INVS: variants seen among roughly 807,000 people sequenced by gnomAD.
The protein encoded by INVS is inversion of embryo turning homolog.
In INVS, 86 loss-of-function variants were observed where a neutral mutation model predicts 108.8. The ratio of observed to expected loss-of-function variants is 0.79; its 90% CI spans 0.66 to 0.95. INVS has a LOEUF of 0.95. INVS is among the 40% of genes least tolerant of loss of function. The probability of loss-of-function intolerance (pLI) is 0.00; values close to 1 mark genes in which losing one functional copy is unlikely to be tolerated. For missense variants in INVS, 1,169 were observed against 1,297.4 expected (o/e 0.90, Z 1.52); for synonymous variants, 455 against 473.5 (o/e 0.96, Z 0.51).
intron 8 of INVS, among the ~76,000 whole-genome samples, chr9:100,251,150 ATTGTTTTGTTTTTGTTTTGTT>A (rs1331895089): frequency 5.3e-5 from 8 of 152,268 alleles, no homozygotes; most frequent in African/African-American, 1.7e-4. Context: ...TTGATGGGGA[ATTGTTTTGTTTTTGTTTTGTT>A]TTGTTTTGTT....
chr9:100,188,439 G>T (rs1170890075), intron 3 of INVS, among the ~76,000 whole-genome samples: 1 of 152,070 alleles, frequency 6.6e-6, no homozygotes, highest in East Asian at 1.9e-4. Flanking sequence ...TGAGATGATT[G>T]TATGTTTTTT....
At chr9:100,100,928 AAT>A (rs1554712579) in intron 1 of INVS, among the ~76,000 whole-genome samples, 8 of 23,228 alleles carry the variant, frequency 3.4e-4, no homozygotes, top group African/African-American at 9.4e-4. Flanking sequence ...GTATATATAT[AAT>A]ATATATAATA....
intron 6 of INVS, among the ~76,000 whole-genome samples, chr9:100,241,624 T>A (rs1163737642): frequency 1.3e-5 from 2 of 152,224 alleles, no homozygotes; most frequent in Non-Finnish European, 2.9e-5. Context: ...TTGTAGTCCT[T>A]ACTGAATTTT....
At chr9:100,170,217 G>A (rs937724930) in intron 3 of INVS, among the ~76,000 whole-genome samples, 2 of 152,122 alleles carry the variant, frequency 1.3e-5, no homozygotes, top group Admixed American at 6.5e-5. Flanking sequence ...ATCTGTGGAA[G>A]TATAGTTGTG....
In INVS at chr9:100,292,862, G is replaced by A. The variant is rs755324664; in HGVS notation, c.2605G>A (p.Glu869Lys). 4.3e-6 allele frequency: 7 copies of A among 1,614,044 alleles called. No individual in the cohort carries two copies. The highest frequency in any genetic ancestry group is 2.2e-5 in the East Asian group (1 of 44,892). Residue 869 changes from glutamate (E) to lysine (K), a missense_variant, in exon 14 of 17, where the codon GAG becomes AAG. This residue lies in a region of INVS where 533 missense variants were observed against 536.0 expected (regional missense o/e 0.99). Coordinates refer to ENST00000262457, the MANE Select transcript of INVS (RefSeq NM_014425.5). ...GAGGCTGGAGACATCTACCCTGTCC[G>A]AGGACTTTCAGGTATCTAAGGAGAC... ...ARRLETSTLSEDFQVSKETDP... is the reference protein window; with the variant it reads ...ARRLETSTLSKDFQVSKETDP...
chr9:100,212,552 C>T (rs1044145091), intron 3 of INVS, among the ~76,000 whole-genome samples: 1 of 151,928 alleles, frequency 6.6e-6, no homozygotes, highest in African/African-American at 2.4e-5. Context: ...GTGCCTCAAA[C>T]TCCACTTTAG....
chr9:100,204,605 T>C (rs1019618338), intron 3 of INVS, among the ~76,000 whole-genome samples: 23 of 152,260 alleles, frequency 1.5e-4, no homozygotes, highest in Non-Finnish European at 2.9e-4. Flanking sequence ...TTCATTCTAG[T>C]CTAGAAAGTA....
intron 3 of INVS, among the ~76,000 whole-genome samples, chr9:100,203,561 G>A (rs1297834934): frequency 7.1e-6 from 1 of 141,404 alleles, no homozygotes; most frequent in Non-Finnish European, 1.5e-5. Flanking sequence ...GGAGTGCAGT[G>A]GCATGATCTA....
At chr9:100,230,043 C>A (rs1178216681) in intron 5 of INVS, among the ~76,000 whole-genome samples, 1 of 152,154 alleles carries the variant, frequency 6.6e-6, no homozygotes. Context: ...TAAACGCATT[C>A]ATTCCCCCTA....
intron 3 of INVS, among the ~76,000 whole-genome samples, chr9:100,225,222 TA>T (rs1652530010): frequency 6.7e-6 from 1 of 149,872 alleles, no homozygotes; most frequent in African/African-American, 2.5e-5. Flanking sequence ...CACGCCCGGC[TA>T]ATTTTTCGTA....
intron 13 of INVS, 76 bp downstream of exon 13, chr9:100,284,679 T>A: frequency 6.9e-7 from 1 of 1,441,044 alleles, no homozygotes; most frequent in Non-Finnish European, 9.6e-7. Flanking sequence ...TTAGACCAAT[T>A]ACACTTAAGA....
chr9:100,220,651 C>T (rs147551160), intron 3 of INVS, among the ~76,000 whole-genome samples: 4 of 152,236 alleles, frequency 2.6e-5, no homozygotes, highest in Admixed American at 6.5e-5. Context: ...TAAAACAAAC[C>T]GTCCTCCAAA....
chr9:100,104,807 G>A (rs534080473), intron 2 of INVS, among the ~76,000 whole-genome samples, 180 bp downstream of exon 2: 2 of 152,260 alleles, frequency 1.3e-5, no homozygotes, highest in East Asian at 3.9e-4. Flanking sequence ...AAAAATATGG[G>A]TTAGGATTAG....
chr9:100,158,314 G>GA lies in INVS; in HGVS notation c.273+31772dup, dbSNP rs139969751. ...TAATGCAAAAAGCTTTAGCACTCCAGAAAAAAATATATTTTCATTTATAAC... is the reference window on the plus strand; with the variant it reads ...TAATGCAAAAAGCTTTAGCACTCCAGAAAAAAAATATATTTTCATTTATAAC... On this transcript the variant is annotated intron_variant, in intron 3 of 16. Coordinates refer to ENST00000262457, the MANE Select transcript of INVS (RefSeq NM_014425.5). Among the ~76,000 whole-genome samples, 590 of 152,066 alleles carry GA rather than the reference G, an allele frequency of 3.9e-3. 5 individuals are homozygous for GA. The highest frequency in any genetic ancestry group is 0.014 in the African/African-American group (562 of 41,500).
intron 3 of INVS, among the ~76,000 whole-genome samples, chr9:100,153,110 C>T (rs1828859578): frequency 6.6e-6 from 1 of 151,100 alleles, no homozygotes; most frequent in African/African-American, 2.4e-5. Context: ...AAATGTTAAA[C>T]ATACCAAGAA....
chr9:100,245,388 C>A (rs911823974), intron 7 of INVS, among the ~76,000 whole-genome samples: 4 of 152,000 alleles, frequency 2.6e-5, no homozygotes, highest in African/African-American at 7.2e-5. Context: ...CAATCAATTC[C>A]CCTGCCTCAA....
chr9:100,138,748 C>T (rs1828321410), intron 3 of INVS, among the ~76,000 whole-genome samples: 1 of 143,594 alleles, frequency 7.0e-6, no homozygotes, highest in African/African-American at 2.5e-5. Context: ...GCTCTGTCAC[C>T]CAGGCTGGAG....
At chr9:100,117,390 A>G (rs902064154) in intron 2 of INVS, 28 of 775,004 alleles carry the variant, frequency 3.6e-5, no homozygotes, top group Non-Finnish European at 5.8e-5. Context: ...GAGAAGAGAC[A>G]GATTTCCTCC....
chr9:100,184,999 T>C (rs1410143986), intron 3 of INVS, among the ~76,000 whole-genome samples: 1 of 152,220 alleles, frequency 6.6e-6, no homozygotes, highest in African/African-American at 2.4e-5. Flanking sequence ...GATTGTCAGT[T>C]ATTAATGATT....
Sources: gnomAD v4.1 joint callset for allele counts (sites outside exome capture counted in the v4.1 genomes callset) on GRCh38, gnomAD v4.1.1 for gene constraint, gnomAD v4.1.1 regional missense constraint, MANE v1.5 for transcripts, NCBI Gene and HGNC (gene_info 2026-07-23, HGNC 2026-07-21) for gene names.